Variants in KLHL2 observed in about 807,000 individuals in gnomAD.
The protein encoded by KLHL2 is kelch-like protein 2.
Under a neutral mutation model 75.8 loss-of-function variants are expected in KLHL2, and 15 were observed. That is an observed-to-expected ratio of 0.20 (90% CI 0.13 to 0.30). KLHL2 has a LOEUF of 0.30. KLHL2 is among the 10% of genes least tolerant of loss of function. The pLI, the probability that KLHL2 is intolerant of heterozygous loss-of-function variation, is 1.00. For missense variants in KLHL2, 381 were observed against 741.0 expected (o/e 0.51, Z 5.64); for synonymous variants, 214 against 251.9 (o/e 0.85, Z 1.42).
At chr4:165,299,739 T>C in intron 8 of KLHL2, 83 bp downstream of exon 8, 1 of 1,251,344 alleles carries the variant, frequency 8.0e-7, no homozygotes, top group South Asian at 1.6e-5. Context: ...CATTTGAATT[T>C]CCGTGATTTA....
chr4:165,305,371 A>T (rs939494580), intron 8 of KLHL2, among the ~76,000 whole-genome samples: 1 of 152,070 alleles, frequency 6.6e-6, no homozygotes, highest in Non-Finnish European at 1.5e-5. Context: ...TCAGAAACTT[A>T]GTTTCTGAAG....
At chr4:165,283,243 C>T (rs1373571023) in intron 5 of KLHL2, among the ~76,000 whole-genome samples, 2 of 152,312 alleles carry the variant, frequency 1.3e-5, no homozygotes, top group East Asian at 1.9e-4. Flanking sequence ...ACCAATTATG[C>T]CTTCCCAACA....
intron 4 of KLHL2, among the ~76,000 whole-genome samples, chr4:165,261,763 A>G (rs1287622304): frequency 6.6e-6 from 1 of 152,360 alleles, no homozygotes; most frequent in East Asian, 1.9e-4. Context: ...AGTTTGTTAC[A>G]GAGAGATGTG....
At chr4:165,210,226 G>T in intron 1 of KLHL2, 1 of 1,503,582 alleles carries the variant, frequency 6.7e-7, no homozygotes, top group Non-Finnish European at 9.1e-7. Flanking sequence ...ATATTTGAAT[G>T]CCTGTCTCTG....
intron 5 of KLHL2, chr4:165,278,381 A>G (rs771798373): frequency 7.4e-7 from 1 of 1,344,248 alleles, no homozygotes. Context: ...ATCAACCTGC[A>G]AATGACTGAG....
Position 165,209,988 on chromosome 4 carries a change from G to GT in KLHL2, c.26+2087dup. The GT allele has an allele frequency of 7.4e-6, 11 of 1,478,464 alleles. No homozygotes were observed. In the South Asian group the frequency reaches 1.4e-4, roughly 19 times the overall value. 91.6% of individuals were successfully genotyped at this position (1,478,464 alleles called of 1,614,324 possible). A position where few individuals can be genotyped will look rare whatever the true frequency, so the allele number is the denominator to read the frequency against. ...GTGCCGGATTTGAGACTTGCAGGCA[G>GT]TGTCTTTAGGAAGGAACTTTACCGG... On this transcript the variant is annotated intron_variant, in intron 1 of 14. Transcript: ENST00000226725.
intron 2 of KLHL2, among the ~76,000 whole-genome samples, chr4:165,227,440 C>A (rs542783472): frequency 6.6e-6 from 1 of 152,298 alleles, no homozygotes; most frequent in South Asian, 2.1e-4. Context: ...TGGAAAACTT[C>A]AAGGACTTGG....
intron 4 of KLHL2, among the ~76,000 whole-genome samples, chr4:165,247,045 A>G (rs1164850333): frequency 1.3e-5 from 2 of 152,222 alleles, no homozygotes; most frequent in Non-Finnish European, 2.9e-5. Flanking sequence ...AGGTGCTTCA[A>G]GGAGACAGTG....
At chr4:165,304,640 T>G (rs1745590158) in intron 8 of KLHL2, among the ~76,000 whole-genome samples, 3 of 152,226 alleles carry the variant, frequency 2.0e-5, no homozygotes, top group Non-Finnish European at 4.4e-5. Flanking sequence ...CACATTGATT[T>G]CTAAATTCTA....
At chr4:165,289,991 TAGAA>T (rs1744387146) in intron 5 of KLHL2, among the ~76,000 whole-genome samples, 1 of 152,218 alleles carries the variant, frequency 6.6e-6, no homozygotes, top group Non-Finnish European at 1.5e-5. Context: ...TTATAATGGA[TAGAA>T]AGAGATTTAT....
intron 5 of KLHL2, among the ~76,000 whole-genome samples, chr4:165,281,643 A>G (rs1022171724): frequency 6.6e-6 from 1 of 152,166 alleles, no homozygotes; most frequent in African/African-American, 2.4e-5. Context: ...CTGGTATGGC[A>G]AATTCTAGGG....
At chr4:165,295,129 C>A (rs754351242) in intron 6 of KLHL2, among the ~76,000 whole-genome samples, 2 of 152,108 alleles carry the variant, frequency 1.3e-5, no homozygotes, top group Non-Finnish European at 2.9e-5. Context: ...CTGCACTTTT[C>A]GTATAGTTGG....
chr4:165,256,854 T>C (rs564484660), intron 4 of KLHL2, among the ~76,000 whole-genome samples: 1 of 149,396 alleles, frequency 6.7e-6, no homozygotes, highest in East Asian at 1.9e-4. Context: ...TATGTACACA[T>C]GTGTTTACCC....
intron 4 of KLHL2, among the ~76,000 whole-genome samples, chr4:165,251,868 C>T (rs1740758581): frequency 6.6e-6 from 1 of 152,102 alleles, no homozygotes; most frequent in Admixed American, 6.5e-5. Flanking sequence ...CTCGGCCTCC[C>T]AAAGTGCTGG....
At chr4:165,235,311 C>T (rs1461819661) in intron 3 of KLHL2, among the ~76,000 whole-genome samples, 1 of 152,208 alleles carries the variant, frequency 6.6e-6, no homozygotes, top group Non-Finnish European at 1.5e-5. Context: ...TGCAATTCTC[C>T]TGCCTCAGCC....
chr4:165,266,932 T>C (rs1201850827), intron 5 of KLHL2, among the ~76,000 whole-genome samples: 1 of 152,150 alleles, frequency 6.6e-6, no homozygotes, highest in Non-Finnish European at 1.5e-5. Flanking sequence ...TTTCAAGATA[T>C]TGATTCTTCC....
At chr4:165,237,251 T>C (rs942971399) in intron 3 of KLHL2, among the ~76,000 whole-genome samples, 1 of 151,940 alleles carries the variant, frequency 6.6e-6, no homozygotes, top group African/African-American at 2.4e-5. Context: ...TGAAGACTTA[T>C]TTTTCTGTAT....
At chr4:165,264,131 T>C (rs1467567069) in intron 5 of KLHL2, among the ~76,000 whole-genome samples, 1 of 152,330 alleles carries the variant, frequency 6.6e-6, no homozygotes, top group Admixed American at 6.5e-5. Flanking sequence ...CTATATTTTA[T>C]TTGAGTTTAT....
chr4:165,236,417 G>A (rs531597290), intron 3 of KLHL2, among the ~76,000 whole-genome samples: 1 of 152,264 alleles, frequency 6.6e-6, no homozygotes, highest in Non-Finnish European at 1.5e-5. Context: ...GAGTCTTGCT[G>A]TGTTGCCCAG....
Sources: allele counts gnomAD v4.1 joint callset (sites outside exome capture counted in the v4.1 genomes callset), GRCh38; gene constraint gnomAD v4.1.1; transcripts MANE v1.5; gene names NCBI Gene and HGNC (gene_info 2026-07-23, HGNC 2026-07-21).